LRMDA: variants seen among roughly 807,000 people sequenced by gnomAD.
LRMDA encodes the protein leucine-rich melanocyte differentiation-associated protein.
A neutral mutation model predicts 29.8 loss-of-function variants in LRMDA; 18 were observed. The ratio of observed to expected loss-of-function variants is 0.60; its 90% CI spans 0.42 to 0.90. The LOEUF is 0.90. Among genes scored for constraint, LRMDA ranks in the 40% least tolerant of loss-of-function variants. LRMDA has a pLI of 0.00. For missense variants in LRMDA, 273 were observed against 273.9 expected (o/e 1.00, Z 0.02); for synonymous variants, 125 against 109.4 (o/e 1.14, Z -0.89).
At chr10:75,500,987 C>G (rs1422632194) in intron 2 of LRMDA, among the ~76,000 whole-genome samples, 1 of 152,186 alleles carries the variant, frequency 6.6e-6, no homozygotes, top group Admixed American at 6.5e-5. Flanking sequence ...TGGACAGATT[C>G]TCAAGTCTCT....
chr10:75,680,836 C>A (rs1842014442), intron 2 of LRMDA, among the ~76,000 whole-genome samples: 1 of 151,752 alleles, frequency 6.6e-6, no homozygotes, highest in Non-Finnish European at 1.5e-5. Context: ...ATAGTGAGAC[C>A]CAATCTCTAT....
At chr10:76,129,712 G>A (rs182631315) in intron 5 of LRMDA, among the ~76,000 whole-genome samples, 27 of 152,260 alleles carry the variant, frequency 1.8e-4, no homozygotes, top group South Asian at 1.7e-3. Flanking sequence ...CTCTTTACCA[G>A]TGGGGTTCTG....
At chr10:75,972,087 G>T (rs530537874) in intron 2 of LRMDA, among the ~76,000 whole-genome samples, 1 of 152,138 alleles carries the variant, frequency 6.6e-6, no homozygotes, top group Non-Finnish European at 1.5e-5. Context: ...TGGATGTATC[G>T]CTTCAGCTGT....
chr10:76,066,739 G>C (rs1848791615), intron 5 of LRMDA, among the ~76,000 whole-genome samples: 1 of 152,190 alleles, frequency 6.6e-6, no homozygotes, highest in Admixed American at 6.5e-5. Flanking sequence ...CATGGGCTAG[G>C]CAAAGAACTA....
chr10:75,467,956 T>TCTCACACACA (rs777221715), intron 2 of LRMDA, among the ~76,000 whole-genome samples: 4 of 129,988 alleles, frequency 3.1e-5, no homozygotes, highest in African/African-American at 9.0e-5. Flanking sequence ...TGAGACTCCG[T>TCTCACACACA]CACACACACA....
intron 2 of LRMDA, among the ~76,000 whole-genome samples, chr10:75,600,555 C>G (rs1008184225): frequency 6.6e-6 from 1 of 152,096 alleles, no homozygotes; most frequent in African/African-American, 2.4e-5. Flanking sequence ...GAAAATAGAC[C>G]TGGGAAGAAA....
chr10:75,823,408 T>C (rs1475899881), intron 2 of LRMDA, among the ~76,000 whole-genome samples: 1 of 152,102 alleles, frequency 6.6e-6, no homozygotes, highest in African/African-American at 2.4e-5. Flanking sequence ...CACAATGAGA[T>C]ACCATCTTCC....
At chr10:76,196,554 A>G (rs1337925841) in intron 5 of LRMDA, among the ~76,000 whole-genome samples, 2 of 152,204 alleles carry the variant, frequency 1.3e-5, no homozygotes, top group African/African-American at 4.8e-5. Flanking sequence ...GCTCTGTACC[A>G]GCCATTCAGG....
intron 2 of LRMDA, among the ~76,000 whole-genome samples, chr10:75,556,116 A>C (rs1840210323): frequency 6.6e-6 from 1 of 152,164 alleles, no homozygotes; most frequent in Non-Finnish European, 1.5e-5. Flanking sequence ...ATAATGGCTG[A>C]AAATATCCCA....
chr10:75,967,737 A>G (rs1331880166), intron 2 of LRMDA, among the ~76,000 whole-genome samples: 1 of 150,992 alleles, frequency 6.6e-6, no homozygotes, highest in African/African-American at 2.4e-5. Context: ...CGGCAAGGTC[A>G]GGACACAGAG....
chr10:76,143,096 G>C (rs1343778642), intron 5 of LRMDA, among the ~76,000 whole-genome samples: 4 of 152,130 alleles, frequency 2.6e-5, no homozygotes, highest in Non-Finnish European at 5.9e-5. Flanking sequence ...TATCGTTATT[G>C]GACATTTAGG....
chr10:76,070,536 A>C (rs930593587), intron 5 of LRMDA, among the ~76,000 whole-genome samples: 8 of 152,180 alleles, frequency 5.3e-5, no homozygotes, highest in Admixed American at 1.3e-4. Flanking sequence ...TTAGGGTCTC[A>C]TTTAACCTTA....
At position 76,300,293 on chromosome 10, in the gene LRMDA, G is replaced by A. The variant is rs563749202; in HGVS notation, c.517-24108G>A. Among the ~76,000 whole-genome samples, 7 of 152,300 alleles carry A rather than the reference G, an allele frequency of 4.6e-5. No individual in the cohort carries two copies. The South Asian group carries it at 1.5e-3, about 32-fold the overall frequency. ...TTTGTTTTATTTGAAATCAAGAAAA[G>A]TTGTGCAGCTACATTTGGGGACACT... On this transcript the variant is annotated intron_variant, in intron 5 of 6. Coordinates refer to ENST00000611255, the MANE Select transcript of LRMDA (RefSeq NM_001305581.2).
chr10:75,813,298 G>A (rs527905313), intron 2 of LRMDA, among the ~76,000 whole-genome samples: 18 of 152,324 alleles, frequency 1.2e-4, no homozygotes, highest in Non-Finnish European at 2.4e-4. Flanking sequence ...TCCACTCAGA[G>A]TTGCTTCCAG....
intron 4 of LRMDA, among the ~76,000 whole-genome samples, chr10:76,058,291 C>T (rs1323573559): frequency 6.6e-6 from 1 of 152,156 alleles, no homozygotes; most frequent in Non-Finnish European, 1.5e-5. Context: ...AGGGTACAAT[C>T]AATTTATAGG....
At chr10:76,310,619 G>A (rs1355790655) in intron 5 of LRMDA, among the ~76,000 whole-genome samples, 1 of 152,072 alleles carries the variant, frequency 6.6e-6, no homozygotes, top group African/African-American at 2.4e-5. Flanking sequence ...TCCCCTCACA[G>A]CTGTCACAAT....
intron 2 of LRMDA, among the ~76,000 whole-genome samples, chr10:76,000,999 G>A (rs1432573623): frequency 6.6e-6 from 1 of 152,106 alleles, no homozygotes; most frequent in East Asian, 1.9e-4. Context: ...CACAGTTCTA[G>A]GCCCCGGGGA....
chr10:75,453,386 C>G (rs894149748), intron 2 of LRMDA, among the ~76,000 whole-genome samples: 9 of 152,172 alleles, frequency 5.9e-5, no homozygotes, highest in African/African-American at 2.2e-4. Flanking sequence ...CAGGAAGCTT[C>G]TTTTCATTTT....
At chr10:75,797,772 AT>A (rs1438400885) in intron 2 of LRMDA, among the ~76,000 whole-genome samples, 1 of 152,130 alleles carries the variant, frequency 6.6e-6, no homozygotes, top group Admixed American at 6.5e-5. Flanking sequence ...GATATAGCAC[AT>A]TTAGTTTGTT....
Sources: gnomAD v4.1 joint callset for allele counts (sites outside exome capture counted in the v4.1 genomes callset) on GRCh38, gnomAD v4.1.1 for gene constraint, MANE v1.5 for transcripts, NCBI Gene and HGNC (gene_info 2026-07-23, HGNC 2026-07-21) for gene names.